Variants in CDAN1 observed in about 807,000 individuals in gnomAD.
CDAN1 encodes codanin-1.
A neutral mutation model predicts 139.8 loss-of-function variants in CDAN1; 107 were observed. The observed-to-expected ratio is 0.77, with a 90% CI of 0.65 to 0.90. CDAN1 has a LOEUF of 0.90. Ranked by LOEUF, CDAN1 falls within the 40% of genes least tolerant of loss-of-function variation. The pLI is 0.00. For missense variants in CDAN1, 1,667 were observed against 1,575.7 expected (o/e 1.06, Z -0.98); for synonymous variants, 776 against 660.6 (o/e 1.17, Z -2.68).
intron 16 of CDAN1, 53 bp downstream of exon 16, chr15:42,729,743 C>T (rs1315543140): frequency 2.5e-6 from 4 of 1,596,378 alleles, no homozygotes; most frequent in East Asian, 4.5e-5. Context: ...CCAGGCAGCC[C>T]ACTTCCTTTA....
At chr15:42,730,560 C>T (rs376155645) in intron 14 of CDAN1, 38 bp downstream of exon 14, 301 of 1,611,364 alleles carry the variant, frequency 1.9e-4, no homozygotes, top group Non-Finnish European at 2.0e-4. Context: ...TCCCGAGTCC[C>T]GAATCCTTTC....
intron 9 of CDAN1, 100 bp from the exon 10 acceptor site, chr15:42,732,508 G>C: frequency 8.8e-7 from 1 of 1,142,690 alleles, no homozygotes; most frequent in South Asian, 1.3e-5. Context: ...CCGTTTACCA[G>C]GGACTTGAGC....
At chr15:42,732,200 G>A in intron 10 of CDAN1, 133 bp downstream of exon 10, 2 of 880,450 alleles carry the variant, frequency 2.3e-6, no homozygotes, top group Non-Finnish European at 3.8e-6. Context: ...CACTCCGCGA[G>A]GAGTAGAACT....
intron 25 of CDAN1, 52 bp downstream of exon 25, chr15:42,726,045 C>T: frequency 6.7e-7 from 1 of 1,502,760 alleles, no homozygotes; most frequent in Non-Finnish European, 9.3e-7. Context: ...GTACCCAACC[C>T]TGAGATTTGG....
chr15:42,731,648 A>G lies in CDAN1; in HGVS notation c.1711T>C (p.Phe571Leu), dbSNP rs1566985360. 1.2e-6 allele frequency: 2 copies of G among 1,614,144 alleles called. No individual in the cohort carries two copies. The highest frequency in any genetic ancestry group is 8.5e-7 in the Non-Finnish European group (1 of 1,180,006). Residue 571 changes from phenylalanine to leucine, a missense_variant, in exon 11 of 28, where the codon TTT becomes CTT. Physicochemically the swap from Phe to Leu is conservative, Grantham distance 22. Coordinates refer to ENST00000356231, the MANE Select transcript of CDAN1 (RefSeq NM_138477.4). ...CTGGCACTAAGGATGAAGTCCCTAA[A>G]GAAGCCTTGACAGCCTGGGAAGGTG... ...PPTFPGCQGF[F>L]RDFILSASSF...
intron 23 of CDAN1, chr15:42,726,962 C>G (rs982040446): frequency 1.2e-5 from 2 of 160,152 alleles, no homozygotes; most frequent in Admixed American, 5.9e-5. Context: ...GATCATTACC[C>G]TAGACCAGAA....
Position 42,727,623 on chromosome 15 carries a change from T to C in CDAN1, c.3094A>G (p.Lys1032Glu), listed in dbSNP as rs778052829. 4 of 1,568,870 alleles carry C rather than the reference T, an allele frequency of 2.5e-6. No individual in the cohort carries two copies. The highest frequency in any genetic ancestry group is 2.6e-6 in the Non-Finnish European group (3 of 1,153,664). Residue 1032 changes from lysine (K) to glutamate (E), a missense_variant and splice_region_variant, in exon 23 of 28, where the codon AAA becomes GAA. This residue lies in a region of CDAN1 where 936 missense variants were observed against 844.1 expected (regional missense o/e 1.11). Coordinates refer to ENST00000356231, the MANE Select transcript of CDAN1 (RefSeq NM_138477.4). Reference protein sequence around the residue: ...PLPSHLISEIKDVLSLAVGPR... With the variant: ...PLPSHLISEIEDVLSLAVGPR... ...AAGGGAGTAGGGTAGCCGTGTACTT[T>C]TATCTCGGAGATGAGGTGGGAGGGG...
intron 18 of CDAN1, 51 bp from the exon 19 acceptor site, chr15:42,729,177 C>G (rs368961483): frequency 3.1e-6 from 5 of 1,609,772 alleles, no homozygotes; most frequent in Non-Finnish European, 4.3e-6. Context: ...TCCCTGTCCC[C>G]GCCCCCAACC....
intron 7 of CDAN1, 39 bp downstream of exon 7, chr15:42,734,187 T>C: frequency 6.2e-7 from 1 of 1,613,992 alleles, no homozygotes; most frequent in Non-Finnish European, 8.5e-7. Context: ...TAGGAAGGGT[T>C]AGGTCCAGGC....
intron 9 of CDAN1, 129 bp downstream of exon 9, chr15:42,732,968 G>T: frequency 9.0e-6 from 7 of 775,612 alleles, no homozygotes; most frequent in South Asian, 7.2e-5. Context: ...AGAGATTTCG[G>T]AGGATAGTAG....
At chr15:42,727,538 G>A in intron 23 of CDAN1, 83 bp downstream of exon 23, 1 of 1,292,616 alleles carries the variant, frequency 7.7e-7, no homozygotes, top group East Asian at 2.6e-5. Context: ...AAAAATCCTG[G>A]AGCTGATGTG....
intron 1 of CDAN1, 90 bp from the exon 2 acceptor site, chr15:42,736,870 G>A: frequency 1.4e-6 from 2 of 1,447,504 alleles, no homozygotes; most frequent in Non-Finnish European, 1.8e-6. Flanking sequence ...CGCCTCGGGT[G>A]GGCGGCCCGG....
chr15:42,734,286 C>T lies in CDAN1; in HGVS notation c.1197G>A (p.Leu399=), dbSNP rs1325431232. 24 of 1,613,956 alleles carry T rather than the reference C, an allele frequency of 1.5e-5. No homozygotes were observed. Among genetic ancestry groups the T allele is most frequent in the Non-Finnish European group, 1.9e-5 (22 of 1,180,024 alleles). Residue 399 remains leucine (L), a synonymous_variant, in exon 7 of 28, where the codon CTG becomes CTA. Transcript: ENST00000356231. ...GGCCTTGCAGAGCTGGTGAGAAGCA[C>T]AGCAGCCGCTCATTCTCAGCCAGCA... ...LKLLAENERL[L]CFSPALQGRL... is the part of the protein sequence containing the mutation.
chr15:42,725,082 C>T (rs2061504651), intron 27 of CDAN1, 62 bp downstream of exon 27: 2 of 1,390,596 alleles, frequency 1.4e-6, no homozygotes, highest in Non-Finnish European at 2.0e-6. Flanking sequence ...TGCTTCCTTT[C>T]AGGACAGATG....
At chr15:42,730,054 G>T in intron 15 of CDAN1, 74 bp downstream of exon 15, 1 of 1,416,066 alleles carries the variant, frequency 7.1e-7, no homozygotes, top group African/African-American at 1.4e-5. Flanking sequence ...TGCCTCATTC[G>T]CACTCAGACA....
rs759995430 is a variant in CDAN1 at position 42,727,609 on chromosome 15, G to A, written c.3096+12C>T. The A allele has an allele frequency of 1.9e-6, 3 of 1,550,450 alleles. 1 individual carries two copies. Among genetic ancestry groups the A allele is most frequent in the South Asian group, 2.4e-5 (2 of 83,818 alleles). On this transcript the variant is annotated intron_variant, in intron 23 of 27. Coordinates refer to ENST00000356231, the MANE Select transcript of CDAN1 (RefSeq NM_138477.4). Reference sequence around the variant, plus strand: ...GAGCAGGGAAGCCAAAGGGAGTAGGGTAGCCGTGTACTTTTATCTCGGAGA... The same window carrying A: ...GAGCAGGGAAGCCAAAGGGAGTAGGATAGCCGTGTACTTTTATCTCGGAGA...
At position 42,735,936 on chromosome 15, in the gene CDAN1, G is replaced by C; in HGVS notation, c.712C>G (p.Leu238Val). Residue 238 changes from leucine (L) to valine (V), a missense_variant, in exon 3 of 28, where the codon CTT becomes GTT. Coordinates refer to ENST00000356231, the MANE Select transcript of CDAN1 (RefSeq NM_138477.4). ...PSALDTSPWGLGLPPGCRSLQ... is the reference protein window; with the variant it reads ...PSALDTSPWGVGLPPGCRSLQ... ...CTTCTGCACCCTGGGGGAAGGCCAA[G>C]GCCCCAAGGGCTAGTGTCCAGGGCT... is the stretch of plus-strand genomic sequence containing the variant. The C allele has an allele frequency of 6.2e-7, 1 of 1,614,184 alleles. No homozygotes were observed. Among genetic ancestry groups the C allele is most frequent in the Non-Finnish European group, 8.5e-7 (1 of 1,180,028 alleles).
chr15:42,726,752 T>TATCA (rs1459132617), intron 23 of CDAN1: 3 of 379,186 alleles, frequency 7.9e-6, no homozygotes, highest in South Asian at 3.2e-5. Context: ...GAAACCGGCC[T>TATCA]ATCAGATACC....
Position 42,729,288 on chromosome 15 carries a change from T to C in CDAN1, c.2482A>G (p.Thr828Ala). 6.3e-7 allele frequency: 1 copy of C among 1,596,706 alleles called. No homozygotes were observed. The highest frequency in any genetic ancestry group is 8.5e-7 in the Non-Finnish European group (1 of 1,174,780). Residue 828 changes from threonine to alanine, a missense_variant, in exon 18 of 28, where the codon ACC becomes GCC. Physicochemically the swap from Thr to Ala is moderately conservative, Grantham distance 58. Transcript: ENST00000356231. ...GRSGGFMRKI[T>A]PTTTTSLGAQ... ...CCCAGGCTGGTGGTAGTGGTGGGGGTGATTTTCCTCATGAAGCCCCCACTC... is the reference window on the plus strand; with the variant it reads ...CCCAGGCTGGTGGTAGTGGTGGGGGCGATTTTCCTCATGAAGCCCCCACTC...
Sources: gnomAD v4.1 joint callset for allele counts on GRCh38, gnomAD v4.1.1 for gene constraint, gnomAD v4.1.1 regional missense constraint, MANE v1.5 for transcripts, NCBI Gene and HGNC (gene_info 2026-07-23, HGNC 2026-07-21) for gene names.